PHACTR3: variants seen among roughly 807,000 people sequenced by gnomAD.
PHACTR3 encodes protein phosphatase 1, regulatory subunit 123.
PHACTR3 carries 16 observed loss-of-function variants against 66.8 expected under a neutral mutation model. That is an observed-to-expected ratio of 0.24 (90% CI 0.16 to 0.36). The LOEUF (loss-of-function observed/expected upper bound fraction) is 0.36. Ranked by LOEUF, PHACTR3 falls within the 10% of genes least tolerant of loss-of-function variation. The pLI is 1.00. For synonymous variants in PHACTR3, 323 were observed against 292.1 expected (o/e 1.11, Z -1.08); for missense variants, 647 against 719.9 (o/e 0.90, Z 1.16).
intron 1 of PHACTR3, among the ~76,000 whole-genome samples, chr20:59,685,410 C>A (rs2426812): frequency 0.32 from 48,464 of 152,046 alleles, 7,833 homozygotes; most frequent in South Asian, 0.38. Flanking sequence ...TCTCTACCGC[C>A]TGCTTGCTTT....
intron 4 of PHACTR3, among the ~76,000 whole-genome samples, chr20:59,765,196 G>A (rs960212448): frequency 7.9e-5 from 12 of 152,230 alleles, no homozygotes; most frequent in African/African-American, 2.9e-4. Flanking sequence ...AATCAGAGTT[G>A]TAGACTCTTA....
intron 2 of PHACTR3, among the ~76,000 whole-genome samples, chr20:59,744,001 G>A (rs2039273034): frequency 1.3e-5 from 2 of 152,024 alleles, no homozygotes; most frequent in Non-Finnish European, 2.9e-5. Flanking sequence ...CCGCCTCCTC[G>A]GAATCCAGCT....
intron 1 of PHACTR3, among the ~76,000 whole-genome samples, chr20:59,619,115 C>A (rs1055523124): frequency 6.6e-6 from 1 of 152,276 alleles, no homozygotes; most frequent in East Asian, 1.9e-4. Flanking sequence ...TATATGAAGA[C>A]CCTCCATGAC....
intron 1 of PHACTR3, among the ~76,000 whole-genome samples, chr20:59,589,754 C>A (rs1162870684): frequency 1.3e-5 from 2 of 152,142 alleles, no homozygotes; most frequent in African/African-American, 2.4e-5. Flanking sequence ...TGACAAGGGG[C>A]ATTATTTAAA....
chr20:59,729,694 C>T (rs970884150), intron 1 of PHACTR3, among the ~76,000 whole-genome samples: 11 of 152,266 alleles, frequency 7.2e-5, no homozygotes, highest in African/African-American at 9.6e-5. Context: ...CCGGAAAGCC[C>T]GCACTGCATG....
intron 4 of PHACTR3, among the ~76,000 whole-genome samples, chr20:59,760,743 A>G (rs549773636): frequency 6.6e-6 from 1 of 152,272 alleles, no homozygotes; most frequent in South Asian, 2.1e-4. Flanking sequence ...ATTCCCTACA[A>G]AGCCCAGAAG....
At chr20:59,837,108 C>T (rs1177106420) in intron 9 of PHACTR3, among the ~76,000 whole-genome samples, 1 of 152,210 alleles carries the variant, frequency 6.6e-6, no homozygotes, top group Admixed American at 6.5e-5. Flanking sequence ...CATAGGTGTT[C>T]ATGAGTAACC....
At chr20:59,803,749 T>C (rs1185188042) in intron 7 of PHACTR3, among the ~76,000 whole-genome samples, 3 of 152,222 alleles carry the variant, frequency 2.0e-5, no homozygotes, top group Non-Finnish European at 2.9e-5. Context: ...AATTTCTTAC[T>C]TTTATGAAAA....
At chr20:59,609,857 A>G (rs1287513339) in intron 1 of PHACTR3, among the ~76,000 whole-genome samples, 2 of 152,254 alleles carry the variant, frequency 1.3e-5, no homozygotes, top group Non-Finnish European at 2.9e-5. Context: ...GGTTATTAAA[A>G]ACATAAAAGC....
chr20:59,589,231 T>C (rs763533144), intron 1 of PHACTR3, among the ~76,000 whole-genome samples: 45 of 152,334 alleles, frequency 3.0e-4, no homozygotes, highest in Non-Finnish European at 4.1e-4. Context: ...CCTTGCACTA[T>C]TATTAATATC....
At chr20:59,641,337 A>T (rs145925997) in intron 1 of PHACTR3, among the ~76,000 whole-genome samples, 42 of 152,078 alleles carry the variant, frequency 2.8e-4, no homozygotes, top group African/African-American at 9.9e-4. Context: ...TGTGTTGTGG[A>T]GTCTAAAAAG....
intron 1 of PHACTR3, among the ~76,000 whole-genome samples, chr20:59,584,472 G>A (rs561306534): frequency 3.9e-5 from 6 of 152,120 alleles, no homozygotes; most frequent in South Asian, 4.1e-4. Flanking sequence ...GAAGGTGTGC[G>A]TGAGTGTGTA....
intron 1 of PHACTR3, among the ~76,000 whole-genome samples, chr20:59,597,882 C>T (rs1229291263): frequency 6.6e-6 from 1 of 152,222 alleles, no homozygotes; most frequent in Non-Finnish European, 1.5e-5. Context: ...ACTGCACCTG[C>T]AATGGTGACA....
chr20:59,687,317 C>T lies in PHACTR3; in HGVS notation c.119-55790C>T, dbSNP rs187816546. 3.4e-3 allele frequency among the ~76,000 whole-genome samples: 519 copies of T among 151,826 alleles called. 5 individuals carry two copies. The highest frequency in any genetic ancestry group is 0.012 in the African/African-American group (490 of 41,372). On this transcript the variant is annotated intron_variant, in intron 1 of 12. Transcript: ENST00000371015. ...ATGATAATGGTGGTGGTGAATGTGA[C>T]GGTGTGATGGTGGTAATGAGGGTGA...
chr20:59,693,031 C>T (rs1195483778), intron 1 of PHACTR3, among the ~76,000 whole-genome samples: 2 of 152,068 alleles, frequency 1.3e-5, no homozygotes, highest in African/African-American at 2.4e-5. Flanking sequence ...TGGTTTGGTT[C>T]GGTTTGAGGA....
At chr20:59,746,048 T>C (rs2039360019) in intron 2 of PHACTR3, among the ~76,000 whole-genome samples, 2 of 152,244 alleles carry the variant, frequency 1.3e-5, no homozygotes, top group African/African-American at 4.8e-5. Context: ...GCCTCTTTGC[T>C]GACACCTCCC....
chr20:59,651,521 C>A (rs2035458163), intron 1 of PHACTR3, among the ~76,000 whole-genome samples: 1 of 152,094 alleles, frequency 6.6e-6, no homozygotes, highest in African/African-American at 2.4e-5. Context: ...ATAAATAGTC[C>A]CCCTTTGGAC....
chr20:59,683,160 A>G (rs574993208), intron 1 of PHACTR3, among the ~76,000 whole-genome samples: 2 of 152,190 alleles, frequency 1.3e-5, no homozygotes, highest in Non-Finnish European at 2.9e-5. Flanking sequence ...GAGGACTCTC[A>G]GGTTCTGTCG....
At chr20:59,578,530 C>G (rs2032779592) in intron 1 of PHACTR3, among the ~76,000 whole-genome samples, 1 of 152,190 alleles carries the variant, frequency 6.6e-6, no homozygotes, top group African/African-American at 2.4e-5. Context: ...ATCCGTGGTT[C>G]TTTTCAGTGC....
Sources: allele counts gnomAD v4.1 joint callset (sites outside exome capture counted in the v4.1 genomes callset), GRCh38; gene constraint gnomAD v4.1.1; transcripts MANE v1.5; gene names NCBI Gene and HGNC (gene_info 2026-07-23, HGNC 2026-07-21).